CEP72: variants seen among roughly 807,000 people sequenced by gnomAD.
CEP72 encodes the protein centrosomal protein 72.
CEP72 carries 78 observed loss-of-function variants against 65.7 expected under a neutral mutation model. The ratio of observed to expected loss-of-function variants is 1.19; its 90% CI spans 0.99 to 1.43. The LOEUF (loss-of-function observed/expected upper bound fraction) is 1.43, where lower values mean the gene tolerates loss of function less well. Ranked by LOEUF, CEP72 falls within the 40% of genes most tolerant of loss-of-function variation. The pLI, the probability that CEP72 is intolerant of heterozygous loss-of-function variation, is 0.00. For missense variants in CEP72, 914 were observed against 832.9 expected (o/e 1.10, Z -1.20); for synonymous variants, 358 against 351.7 (o/e 1.02, Z -0.20).
At chr5:634,140 ATATT>A (rs1200163212) in intron 5 of CEP72, among the ~76,000 whole-genome samples, 193 bp downstream of exon 5, 1 of 152,256 alleles carries the variant, frequency 6.6e-6, no homozygotes, top group African/African-American at 2.4e-5. Flanking sequence ...GAAAGTTAAC[ATATT>A]TGAGTATAGT....
the CEP72 span, among the ~76,000 whole-genome samples, chr5:672,602 C>A: frequency 1.3e-5 from 2 of 152,344 alleles, no homozygotes; most frequent in East Asian, 3.9e-4. Flanking sequence ...GTGTTTGGTG[C>A]AGTTGGGGAG....
rs1342250423 is a variant in CEP72, at chr5:624,022, G to A, written c.404-449G>A. Among the ~76,000 whole-genome samples, 1 of 152,098 alleles carries A rather than the reference G, an allele frequency of 6.6e-6. No homozygotes were observed. The highest frequency in any genetic ancestry group is 2.4e-5 in the African/African-American group (1 of 41,410). On this transcript the variant is annotated intron_variant, in intron 3 of 11. Transcript: ENST00000264935. This position sits in a 1 kb window ranked among gnomAD's most constrained non-coding sequence, Gnocchi z 4.7. ...ATGAGGAAGCTCCAGGAGTTCTTGG[G>A]TGGGAGCCTGGTGGCCCCAGGTACG...
rs1194947820 is a variant in CEP72 at position 653,327 on chromosome 5, C to G, written c.*174C>G. 2.2e-5 allele frequency: 12 copies of G among 548,666 alleles called. No homozygotes were observed. In the South Asian group the frequency reaches 3.5e-4, roughly 16 times the overall value. 34.0% of individuals were successfully genotyped at this position (548,666 alleles called of 1,614,324 possible). On this transcript the variant is annotated 3_prime_UTR_variant, in exon 12 of 12. Transcript: ENST00000264935. ...TGTAGCTTGGTTTTCTAAAGCACCTCGTAAAATGATATGATTACTCCAAGC... is the reference window on the plus strand; with the variant it reads ...TGTAGCTTGGTTTTCTAAAGCACCTGGTAAAATGATATGATTACTCCAAGC...
chr5:651,030 C>T (rs1301667467), intron 11 of CEP72, among the ~76,000 whole-genome samples: 15 of 58,188 alleles, frequency 2.6e-4, no homozygotes, highest in South Asian at 1.2e-3. Flanking sequence ...GACTGTGAGG[C>T]GTGGACTGTG....
intron 3 of CEP72, among the ~76,000 whole-genome samples, chr5:622,632 G>C (rs1736464099): frequency 6.6e-6 from 1 of 152,246 alleles, no homozygotes; most frequent in Admixed American, 6.5e-5. Flanking sequence ...TGCAGCTCTT[G>C]GCAGCGAGGA....
In CEP72 at chr5:633,828, A is replaced by G. The variant is rs1737397114; in HGVS notation, c.572A>G (p.Asp191Gly). 1.2e-6 allele frequency: 2 copies of G among 1,613,964 alleles called. No homozygotes were observed. The highest frequency in any genetic ancestry group is 2.2e-5 in the East Asian group (1 of 44,888). ...TTGGCCAAGCAGAGCCTGGTCATGG[A>G]TGCGGATGACGAGGCAGTCCTGAAC... Reference protein sequence around the residue: ...EALAKQSLVMDADDEAVLNLI... With the variant: ...EALAKQSLVMGADDEAVLNLI... The change falls in exon 5 of 12, where the codon GAT (aspartate) becomes GGT (glycine). Residue 191 changes from aspartate (D) to glycine (G), a missense_variant. Physicochemically the swap from Asp to Gly is moderately conservative, Grantham distance 94 (BLOSUM62 -1). Coordinates refer to ENST00000264935, the MANE Select transcript of CEP72 (RefSeq NM_018140.4).
At chr5:654,437 CTGTGTGTGTGTGTGCTTCTGTG>C (rs1739313716), downstream of CEP72, among the ~76,000 whole-genome samples, 2 of 147,384 alleles carry the variant, frequency 1.4e-5, no homozygotes, top group East Asian at 4.2e-4. Flanking sequence ...TGTCTGCTAG[CTGTGTGTGTGTGTGCTTCTGTG>C]TGTGTGTGTG....
In CEP72 at chr5:633,264, C is replaced by G. The variant is rs1461890530; in HGVS notation, c.513-505C>G. Among the ~76,000 whole-genome samples, 3 of 96,536 alleles carry G rather than the reference C, an allele frequency of 3.1e-5. 1 individual carries two copies. In the East Asian group the frequency reaches 9.1e-4, roughly 29 times the overall value. 63.3% of individuals were successfully genotyped at this position (96,536 alleles called of 152,430 possible). On this transcript the variant is annotated intron_variant, in intron 4 of 11. Coordinates refer to ENST00000264935, the MANE Select transcript of CEP72 (RefSeq NM_018140.4). The stretch of plus-strand genomic sequence containing the variant: ...TGACCCAGTCCTGGTGGGGTGCTGT[C>G]CAGTTCCGGGATTTAGACCAGTCCT...
chr5:612,581 G>T, intron 1 of CEP72, 138 bp downstream of exon 1: 2 of 1,229,140 alleles, frequency 1.6e-6, no homozygotes, highest in Non-Finnish European at 2.0e-6. Context: ...GGTCGCGGGC[G>T]AGCGGGGCGC....
rs749453691 is a variant in CEP72 at position 612,370 on chromosome 5, G to A, written c.9G>A (p.Arg3=). MA[R]AGPRLVLSEE... Reference sequence around the variant, plus strand: ...AGGGCTCCGTTTGAAACATGGCGCGGGCTGGCCCTCGGCTGGTGCTGAGCG... The same window carrying A: ...AGGGCTCCGTTTGAAACATGGCGCGAGCTGGCCCTCGGCTGGTGCTGAGCG... Residue 3 remains arginine (R), a synonymous_variant, in exon 1 of 12, where the codon CGG becomes CGA. Transcript: ENST00000264935. 18 of 1,490,696 alleles carry A rather than the reference G, an allele frequency of 1.2e-5. No homozygotes were observed. The highest frequency in any genetic ancestry group is 1.6e-5 in the Non-Finnish European group (18 of 1,125,496). The allele number at this position is 1,490,696 out of a possible 1,614,324, so 92.3% of individuals were successfully genotyped here.
intron 5 of CEP72, 35 bp from the exon 6 acceptor site, chr5:635,336 GT>G (rs1218611142): frequency 6.9e-7 from 1 of 1,446,060 alleles, no homozygotes; most frequent in African/African-American, 1.4e-5. Flanking sequence ...CTTTTACAAT[GT>G]TTTATGAAAT....
intron 4 of CEP72, among the ~76,000 whole-genome samples, chr5:626,798 G>A (rs1018811071): frequency 6.6e-6 from 1 of 152,210 alleles, no homozygotes; most frequent in African/African-American, 2.4e-5. Context: ...TCTAACCTGG[G>A]TGACAGAGTG....
At chr5:658,619 TTTCTC>T (rs1391591794), downstream of CEP72, among the ~76,000 whole-genome samples, 2 of 151,598 alleles carry the variant, frequency 1.3e-5, no homozygotes, top group Non-Finnish European at 2.9e-5. Flanking sequence ...TCTGTGTTTC[TTTCTC>T]TTGTTTTATC....
rs1002758874 is a variant in CEP72 at position 645,932 on chromosome 5, C to G, written c.1666+1507C>G. 6.6e-6 allele frequency among the ~76,000 whole-genome samples: 1 copy of G among 151,932 alleles called. No homozygotes were observed. Among genetic ancestry groups the G allele is most frequent in the Non-Finnish European group, 1.5e-5 (1 of 67,970 alleles). On this transcript the variant is annotated intron_variant, in intron 10 of 11. Transcript: ENST00000264935. The surrounding 1 kb of genome is among the most constrained non-coding windows in gnomAD (Gnocchi z 4.0). ...GGACGGTGAATTCGGCTTCGTTACA[C>G]TGTGTGAGCGTCACTCCTGCTCCCG...
intron 3 of CEP72, among the ~76,000 whole-genome samples, chr5:665,667 G>A (rs1175611942): frequency 9.6e-5 from 4 of 41,732 alleles, no homozygotes; most frequent in Non-Finnish European, 1.3e-4. Flanking sequence ...AGGCCACGCC[G>A]ACCTGGCCAT....
At chr5:669,339 G>A (rs944594218), downstream of CEP72, among the ~76,000 whole-genome samples, 4 of 152,200 alleles carry the variant, frequency 2.6e-5, no homozygotes, top group Admixed American at 2.6e-4. Flanking sequence ...GGTGTTGGGG[G>A]TGGATTTAGC....
chr5:635,714 G>T, intron 6 of CEP72, 130 bp downstream of exon 6: 1 of 712,268 alleles, frequency 1.4e-6, no homozygotes, highest in Non-Finnish European at 2.4e-6. Context: ...CACGGTGCCG[G>T]CACCTGGTGC....
chr5:653,050 G>C lies in CEP72; in HGVS notation c.1841G>C (p.Arg614Thr), dbSNP rs751364417. ...CTGAGCCAGGTGCGGGCGCAGCACAGAGCCGAGGTGGAGCAGATGCACTGG... is the reference window on the plus strand; with the variant it reads ...CTGAGCCAGGTGCGGGCGCAGCACACAGCCGAGGTGGAGCAGATGCACTGG... Reference protein sequence around the residue: ...QELSQVRAQHRAEVEQMHWSY... With the variant: ...QELSQVRAQHTAEVEQMHWSY... Residue 614 changes from arginine (R) to threonine (T), a missense_variant, in exon 12 of 12, where the codon AGA (arginine) becomes ACA (threonine). Transcript: ENST00000264935. The C allele has an allele frequency of 1.2e-6, 2 of 1,613,964 alleles. No homozygotes were observed. The highest frequency in any genetic ancestry group is 2.2e-5 in the South Asian group (2 of 91,070).
chr5:612,434 C>A lies in CEP72; in HGVS notation c.73C>A (p.Arg25Ser). The change falls in exon 1 of 12, where the codon CGC becomes AGC. Residue 25 changes from arginine to serine, a missense_variant. Physicochemically the swap from Arg to Ser is moderately radical, Grantham distance 110. Coordinates refer to ENST00000264935, the MANE Select transcript of CEP72 (RefSeq NM_018140.4). ...VRAKSGLGPH[R>S]DLAELQSLSI... is the part of the protein sequence containing the mutation. ...GGCGAAGAGCGGCTTAGGGCCTCAC[C>A]GCGACCTGGGTGCGCCGGAGGGCGG... The A allele has an allele frequency of 1.4e-6, 2 of 1,458,250 alleles. No individual in the cohort carries two copies. Among genetic ancestry groups the A allele is most frequent in the Non-Finnish European group, 1.8e-6 (2 of 1,106,770 alleles). The allele number at this position is 1,458,250 out of a possible 1,614,324, so 90.3% of individuals were successfully genotyped here.
Sources: gnomAD v4.1 joint callset for allele counts (sites outside exome capture counted in the v4.1 genomes callset) on GRCh38, gnomAD v4.1.1 for gene constraint, Gnocchi (gnomAD v3.1) non-coding constraint, MANE v1.5 for transcripts, NCBI Gene and HGNC (gene_info 2026-07-23, HGNC 2026-07-21) for gene names.